RNF220: variants seen among roughly 807,000 people sequenced by gnomAD.
RNF220 encodes E3 ubiquitin-protein ligase RNF220.
A neutral mutation model predicts 67.1 loss-of-function variants in RNF220; 7 were observed. The observed-to-expected ratio is 0.10, with a 90% CI of 0.06 to 0.20. The LOEUF (loss-of-function observed/expected upper bound fraction) is 0.20, where lower values mean the gene tolerates loss of function less well. Ranked by LOEUF, RNF220 falls within the 10% of genes least tolerant of loss-of-function variation. The pLI, the probability that RNF220 is intolerant of heterozygous loss-of-function variation, is 1.00. For synonymous variants in RNF220, 270 were observed against 283.2 expected (o/e 0.95, Z 0.47); for missense variants, 565 against 740.3 (o/e 0.76, Z 2.75).
chr1:44,452,259 A>G (rs1021177776), intron 2 of RNF220, among the ~76,000 whole-genome samples: 48 of 152,196 alleles, frequency 3.2e-4, no homozygotes, highest in African/African-American at 1.1e-3. Flanking sequence ...TTTTTAAAAA[A>G]CCTTATGAGG....
intron 2 of RNF220, among the ~76,000 whole-genome samples, chr1:44,526,948 A>T (rs1437032064): frequency 6.6e-6 from 1 of 150,474 alleles, no homozygotes; most frequent in African/African-American, 2.5e-5. Flanking sequence ...ATCTACTTCT[A>T]CTCCTGCTCA....
At chr1:44,408,159 C>T (rs1018644308) in intron 1 of RNF220, among the ~76,000 whole-genome samples, 15 of 152,158 alleles carry the variant, frequency 9.9e-5, no homozygotes, top group Non-Finnish European at 2.1e-4. Flanking sequence ...CTTCTTCCCC[C>T]GTTTTCCCTA....
chr1:44,637,418 A>G (rs1189246443), intron 8 of RNF220, among the ~76,000 whole-genome samples: 1 of 152,252 alleles, frequency 6.6e-6, no homozygotes, highest in Non-Finnish European at 1.5e-5. Context: ...AGGCCCTAGA[A>G]GAGTGAGCAG....
chr1:44,609,443 G>A (rs1418408608), intron 2 of RNF220, among the ~76,000 whole-genome samples: 2 of 152,212 alleles, frequency 1.3e-5, no homozygotes, highest in Non-Finnish European at 2.9e-5. Context: ...ATCACACGGT[G>A]GGGAGCTGCA....
At chr1:44,577,043 A>G (rs1232558979) in intron 2 of RNF220, among the ~76,000 whole-genome samples, 1 of 152,232 alleles carries the variant, frequency 6.6e-6, no homozygotes, top group Non-Finnish European at 1.5e-5. Flanking sequence ...AGGTCTTGTT[A>G]GAACACAGAG....
rs886923382 is a variant in RNF220, at chr1:44,645,525, G to T, written c.1445+37G>T. On this transcript the variant is annotated intron_variant, in intron 12 of 14. Coordinates refer to ENST00000361799, the MANE Select transcript of RNF220 (RefSeq NM_018150.4). The surrounding 1 kb of genome is among the most constrained non-coding windows in gnomAD (Gnocchi z 5.0). ...GCCAGGAGAGAGCCCTGGGACCACA[G>T]TTCAGTGGGAGGAGGGGCCCTTTGC... The T allele has an allele frequency of 3.1e-6, 5 of 1,600,964 alleles. No individual in the cohort carries two copies. In the African/African-American group the frequency reaches 6.7e-5, roughly 21 times the overall value.
Position 44,622,799 on chromosome 1 carries a change from A to G in RNF220, c.804+12A>G. 6.2e-7 allele frequency: 1 copy of G among 1,613,332 alleles called. No individual in the cohort carries two copies. The highest frequency in any genetic ancestry group is 2.2e-5 in the East Asian group (1 of 44,882). On this transcript the variant is annotated intron_variant, in intron 4 of 14. Coordinates refer to ENST00000361799, the MANE Select transcript of RNF220 (RefSeq NM_018150.4). This position sits in a 1 kb window ranked among gnomAD's most constrained non-coding sequence, Gnocchi z 4.3. ...CAGGCACCCCAAAGGTAGGTGGCCAATTACATGTTTTCCTCCTGCCCATAC... is the reference window on the plus strand; with the variant it reads ...CAGGCACCCCAAAGGTAGGTGGCCAGTTACATGTTTTCCTCCTGCCCATAC...
chr1:44,611,999 G>C (rs998938760), intron 2 of RNF220, among the ~76,000 whole-genome samples: 1 of 152,240 alleles, frequency 6.6e-6, no homozygotes, highest in Non-Finnish European at 1.5e-5. Flanking sequence ...CAGGAGCAGA[G>C]CTGAGACTGG....
At chr1:44,473,566 A>G (rs1309477671) in intron 2 of RNF220, among the ~76,000 whole-genome samples, 1 of 152,010 alleles carries the variant, frequency 6.6e-6, no homozygotes, top group Non-Finnish European at 1.5e-5. Context: ...ATCTCTTCCA[A>G]CTTACTAGGC....
rs190078451 is a variant in RNF220 at position 44,635,713 on chromosome 1, C to T, written c.993+125C>T. The stretch of plus-strand genomic sequence containing the variant: ...ACCTTCCTTCCCCGCTCCCTTCCCC[C>T]GACACTAGCTGCTGACTGCCCCTGA... On this transcript the variant is annotated intron_variant, in intron 7 of 14. Coordinates refer to ENST00000361799, the MANE Select transcript of RNF220 (RefSeq NM_018150.4). 93 of 1,530,208 alleles carry T rather than the reference C, an allele frequency of 6.1e-5. No individual in the cohort carries two copies. In the Admixed American group the frequency reaches 1.3e-3, roughly 21 times the overall value. The allele number at this position is 1,530,208 out of a possible 1,614,324, so 94.8% of individuals were successfully genotyped here.
chr1:44,620,697 T>C (rs1643753773), intron 3 of RNF220, among the ~76,000 whole-genome samples: 1 of 152,196 alleles, frequency 6.6e-6, no homozygotes, highest in Admixed American at 6.5e-5. Context: ...GCTCTGTTTT[T>C]ACACTCAGAC....
At chr1:44,502,132 TTG>T (rs1657970009) in intron 2 of RNF220, among the ~76,000 whole-genome samples, 2 of 96,802 alleles carry the variant, frequency 2.1e-5, no homozygotes, top group Non-Finnish European at 4.1e-5. Context: ...GTATGATCCT[TTG>T]TCTCTCTCTC....
At chr1:44,468,395 G>A (rs1654474237) in intron 2 of RNF220, among the ~76,000 whole-genome samples, 1 of 152,120 alleles carries the variant, frequency 6.6e-6, no homozygotes. Context: ...AAGTGAAAAT[G>A]CAAGACGTGG....
chr1:44,641,215 G>A (rs911286037), intron 8 of RNF220, among the ~76,000 whole-genome samples: 3 of 151,564 alleles, frequency 2.0e-5, no homozygotes, highest in South Asian at 2.1e-4. Flanking sequence ...TACCCACCCC[G>A]CCAGGAATGG....
chr1:44,469,791 GA>G (rs757949877), intron 2 of RNF220, among the ~76,000 whole-genome samples: 3 of 152,178 alleles, frequency 2.0e-5, no homozygotes, highest in Non-Finnish European at 2.9e-5. Flanking sequence ...CAACAGAGAG[GA>G]AAAACAGTAG....
chr1:44,426,277 A>G (rs1649762234), intron 2 of RNF220, among the ~76,000 whole-genome samples: 1 of 152,234 alleles, frequency 6.6e-6, no homozygotes, highest in Non-Finnish European at 1.5e-5. Context: ...TTTCTGCCCT[A>G]GAGATCTTTC....
At chr1:44,546,986 A>G (rs1030170844) in intron 2 of RNF220, among the ~76,000 whole-genome samples, 2 of 152,252 alleles carry the variant, frequency 1.3e-5, no homozygotes, top group Non-Finnish European at 2.9e-5. Flanking sequence ...AAGGAAGAGA[A>G]GGAAGCAGGG....
At chr1:44,619,017 T>TG (rs569675597) in intron 3 of RNF220, among the ~76,000 whole-genome samples, 25 of 120,028 alleles carry the variant, frequency 2.1e-4, no homozygotes, top group Middle Eastern at 8.9e-3. Context: ...GGGTTGGTGA[T>TG]GGGGGAGGGA....
intron 2 of RNF220, among the ~76,000 whole-genome samples, chr1:44,425,157 C>A (rs1649630182): frequency 6.6e-6 from 1 of 152,162 alleles, no homozygotes; most frequent in African/African-American, 2.4e-5. Context: ...TGACTAGGGG[C>A]TTGCTCTGAG....
Sources: allele counts gnomAD v4.1 joint callset (sites outside exome capture counted in the v4.1 genomes callset), GRCh38; gene constraint gnomAD v4.1.1; non-coding constraint Gnocchi (gnomAD v3.1); transcripts MANE v1.5; gene names NCBI Gene and HGNC (gene_info 2026-07-23, HGNC 2026-07-21).